Variants in ITFG2 observed in about 807,000 individuals in gnomAD.
The protein encoded by ITFG2 is KICSTOR complex protein ITFG2.
In ITFG2, 36 loss-of-function variants were observed where a neutral mutation model predicts 54.4. The observed-to-expected ratio is 0.66, with a 90% CI of 0.51 to 0.87. ITFG2 has a LOEUF of 0.87. Among genes scored for constraint, ITFG2 ranks in the 40% least tolerant of loss-of-function variants. The pLI, the probability that ITFG2 is intolerant of heterozygous loss-of-function variation, is 0.00. For synonymous variants in ITFG2, 211 were observed against 225.4 expected (o/e 0.94, Z 0.57); for missense variants, 524 against 576.7 (o/e 0.91, Z 0.94).
upstream of ITFG2, among the ~76,000 whole-genome samples, chr12:2,833,033 G>A (rs1047203050): frequency 6.6e-6 from 1 of 151,898 alleles, no homozygotes; most frequent in African/African-American, 2.4e-5. Flanking sequence ...TGTGCAGTTT[G>A]CTCCTCAGCC....
intron 4 of ITFG2, 70 bp downstream of exon 4, chr12:2,818,347 G>T: frequency 6.3e-7 from 1 of 1,592,878 alleles, no homozygotes; most frequent in Non-Finnish European, 8.5e-7. Flanking sequence ...TATCCCAAGG[G>T]ATTGGGGTGA....
At chr12:2,856,290 CCTTA>C (rs1279182728) in intron 2 of ITFG2, among the ~76,000 whole-genome samples, 1 of 152,150 alleles carries the variant, frequency 6.6e-6, no homozygotes, top group African/African-American at 2.4e-5. Context: ...AATGAAATGG[CCTTA>C]CTTAGCACAG....
chr12:2,819,949 G>C lies in ITFG2; in HGVS notation c.407-137G>C, dbSNP rs2097937351. ...AGATGCCGCAAACACAGGCAGGGGC[G>C]GGGGCAGACTGAGGGTGAAGTGAGT... On this transcript the variant is annotated intron_variant, in intron 4 of 11. Transcript: ENST00000228799. The C allele has an allele frequency of 3.6e-6, 4 of 1,100,566 alleles. No individual in the cohort carries two copies. In the East Asian group the frequency reaches 8.3e-5, roughly 23 times the overall value. 68.2% of individuals were successfully genotyped at this position (1,100,566 alleles called of 1,614,324 possible).
intron 2 of ITFG2, among the ~76,000 whole-genome samples, chr12:2,852,835 T>C (rs1161892116): frequency 6.6e-6 from 1 of 151,844 alleles, no homozygotes; most frequent in Non-Finnish European, 1.5e-5. Flanking sequence ...CCGTCTCTAC[T>C]AAAAAGTACA....
exon 3 of ITFG2, chr12:2,858,267 T>C (rs1292727817): frequency 5.4e-6 from 1 of 185,834 alleles, no homozygotes; most frequent in African/African-American, 2.3e-5. Flanking sequence ...CTTACATTTA[T>C]AATTAGAGGA....
In ITFG2 at chr12:2,820,078, G is replaced by A; in HGVS notation, c.407-8G>A. 1 of 1,600,910 alleles carries A rather than the reference G, an allele frequency of 6.2e-7. No homozygotes were observed. The highest frequency in any genetic ancestry group is 8.5e-7 in the Non-Finnish European group (1 of 1,174,210). The stretch of plus-strand genomic sequence containing the variant: ...CTCCAGAGCCCATCTTGTCTTTCAT[G>A]CCCACAGATGGAGATGGGTGTCGTG... On this transcript the variant is annotated splice_region_variant and splice_polypyrimidine_tract_variant and intron_variant, in intron 4 of 11. Coordinates refer to ENST00000228799, the MANE Select transcript of ITFG2 (RefSeq NM_018463.4).
Position 2,812,686 on chromosome 12 carries a change from C to G in ITFG2, c.-75C>G, listed in dbSNP as rs2097911638. 3 of 1,307,906 alleles carry G rather than the reference C, an allele frequency of 2.3e-6. No homozygotes were observed. Among genetic ancestry groups the G allele is most frequent in the Non-Finnish European group, 3.3e-6 (3 of 907,410 alleles). The allele number at this position is 1,307,906 out of a possible 1,614,324, so 81.0% of individuals were successfully genotyped here. On this transcript the variant is annotated 5_prime_UTR_variant, in exon 1 of 12. Transcript: ENST00000228799. ...ACTTGCTGCCTTAGGTGGCCTTCCG[C>G]TCTGGCGGCTGTCGCGACGGGGGTT...
chr12:2,829,844 G>A (rs1177740920), downstream of ITFG2, among the ~76,000 whole-genome samples: 1 of 127,146 alleles, frequency 7.9e-6, no homozygotes, highest in African/African-American at 3.1e-5. Context: ...TTGGGAGGCC[G>A]AGGTGGATGG....
chr12:2,827,422 C>G (rs1377916874), downstream of ITFG2: 2 of 1,522,238 alleles, frequency 1.3e-6, no homozygotes, highest in Middle Eastern at 2.2e-4. The surrounding 1 kb of genome is among the most constrained non-coding windows in gnomAD (Gnocchi z 4.0). Flanking sequence ...TCCCCCATCC[C>G]CATTTCCCTA....
chr12:2,828,395 C>G (rs1372230310), downstream of ITFG2: 1 of 1,614,006 alleles, frequency 6.2e-7, no homozygotes, highest in Non-Finnish European at 8.5e-7. Context: ...AACGGCCACT[C>G]TAAGCAGCTG....
chr12:2,813,067 C>T (rs2097913054), intron 1 of ITFG2, among the ~76,000 whole-genome samples: 1 of 152,188 alleles, frequency 6.6e-6, no homozygotes, highest in Non-Finnish European at 1.5e-5. Flanking sequence ...GAGACAGGCT[C>T]CGTCTGTCAC....
At position 2,822,871 on chromosome 12, in the gene ITFG2, C is replaced by T; in HGVS notation, c.1026C>T (p.Val342=). 6.2e-7 allele frequency: 1 copy of T among 1,614,170 alleles called. No homozygotes were observed. Among genetic ancestry groups the T allele is most frequent in the Non-Finnish European group, 8.5e-7 (1 of 1,180,034 alleles). Residue 342 remains valine, a synonymous_variant, in exon 10 of 12, where the codon GTC becomes GTT. Coordinates refer to ENST00000228799, the MANE Select transcript of ITFG2 (RefSeq NM_018463.4). ...TYIIDHNRTV[V]RFQVDENIRA... ...TCATTGATCACAACCGCACCGTCGT[C>T]CGCTTCCAAGTGGATGAAAATATCC... is the stretch of plus-strand genomic sequence containing the variant.
intron 4 of ITFG2, chr12:2,819,522 T>C (rs1565411946): frequency 1.3e-5 from 2 of 151,484 alleles, no homozygotes; most frequent in Admixed American, 6.6e-5. Context: ...TCCCAGCTAC[T>C]CTAGAGGCCG....
intron 9 of ITFG2, 145 bp downstream of exon 9, chr12:2,821,937 T>C: frequency 1.5e-6 from 1 of 666,610 alleles, no homozygotes; most frequent in Non-Finnish European, 2.5e-6. Context: ...TTTCCTTTTT[T>C]TTTTTTTTGA....
At chr12:2,822,595 C>CT (rs1334957869) in intron 9 of ITFG2, among the ~76,000 whole-genome samples, 199 bp from the exon 10 acceptor site, 1 of 152,132 alleles carries the variant, frequency 6.6e-6, no homozygotes, top group Non-Finnish European at 1.5e-5. Context: ...GTGAGTGACT[C>CT]TATTTCTATG....
At chr12:2,856,882 G>A in intron 2 of ITFG2, 1 of 699,068 alleles carries the variant, frequency 1.4e-6, no homozygotes, top group South Asian at 1.5e-5. Context: ...AGAAAGCCTG[G>A]CCCACTATAA....
At chr12:2,839,463 T>G (rs754658550) in intron 1 of ITFG2, among the ~76,000 whole-genome samples, 7 of 152,218 alleles carry the variant, frequency 4.6e-5, no homozygotes, top group Non-Finnish European at 8.8e-5. Flanking sequence ...ATGTCTGTTA[T>G]TCTCTGAAGT....
downstream of ITFG2, chr12:2,827,763 C>T (rs2097975949): frequency 8.1e-6 from 13 of 1,609,426 alleles, no homozygotes; most frequent in South Asian, 1.3e-4. The surrounding 1 kb of genome is among the most constrained non-coding windows in gnomAD (Gnocchi z 4.0). Flanking sequence ...CCTTCTCTGC[C>T]CACCCCATCC....
chr12:2,855,099 G>C (rs2098083100), intron 2 of ITFG2: 1 of 1,535,804 alleles, frequency 6.5e-7, no homozygotes, highest in Non-Finnish European at 8.7e-7. Flanking sequence ...AGGAGGGAGG[G>C]GGGATGGGGT....
Sources: allele counts gnomAD v4.1 joint callset (sites outside exome capture counted in the v4.1 genomes callset), GRCh38; gene constraint gnomAD v4.1.1; non-coding constraint Gnocchi (gnomAD v3.1); transcripts MANE v1.5; gene names NCBI Gene and HGNC (gene_info 2026-07-23, HGNC 2026-07-21).